The following BAALC variants were observed in gnomAD, a reference collection of about 807,000 sequenced individuals.
BAALC encodes BAALC binder of MAP3K1 and KLF4, also known as brain and acute leukemia cytoplasmic protein.
BAALC carries 9 observed loss-of-function variants against 15.5 expected under a neutral mutation model. That is an observed-to-expected ratio of 0.58 (90% CI 0.35 to 1.02). The LOEUF is 1.02. BAALC is among the 50% of genes least tolerant of loss of function. The probability of loss-of-function intolerance (pLI) is 0.02; values close to 1 mark genes in which losing one functional copy is unlikely to be tolerated. For missense variants in BAALC, 201 were observed against 192.4 expected (o/e 1.04, Z -0.27); for synonymous variants, 80 against 74.6 (o/e 1.07, Z -0.37).
chr8:103,202,473 T>C (rs947251009), intron 1 of BAALC, among the ~76,000 whole-genome samples: 1 of 152,222 alleles, frequency 6.6e-6, no homozygotes, highest in African/African-American at 2.4e-5. Context: ...TACAGGACTA[T>C]GAGAAAATAA....
intron 1 of BAALC, among the ~76,000 whole-genome samples, chr8:103,155,815 G>T (rs1811079266): frequency 6.6e-6 from 1 of 152,184 alleles, no homozygotes. Flanking sequence ...ATGTTCTCTA[G>T]GTCAGTGGAG....
At chr8:103,174,364 C>T (rs1013270530) in intron 1 of BAALC, among the ~76,000 whole-genome samples, 2 of 151,934 alleles carry the variant, frequency 1.3e-5, no homozygotes, top group Non-Finnish European at 2.9e-5. Flanking sequence ...GCACATCGGG[C>T]ACAGCCAGGG....
chr8:103,151,396 T>C (rs558568133), intron 1 of BAALC, among the ~76,000 whole-genome samples: 8 of 152,334 alleles, frequency 5.3e-5, no homozygotes, highest in East Asian at 1.9e-4. Context: ...GGTTTCAGTT[T>C]CCACATTGTA....
At chr8:103,161,929 G>T (rs77333169) in intron 1 of BAALC, among the ~76,000 whole-genome samples, 1 of 150,212 alleles carries the variant, frequency 6.7e-6, no homozygotes, top group Non-Finnish European at 1.5e-5. Flanking sequence ...TATACAATCT[G>T]TTCACATCTC....
chr8:103,194,675 A>T (rs189344135), intron 1 of BAALC, among the ~76,000 whole-genome samples: 3 of 152,338 alleles, frequency 2.0e-5, no homozygotes, highest in African/African-American at 7.2e-5. Context: ...TGTTTCACAC[A>T]GTTCTAGAGG....
intron 1 of BAALC, among the ~76,000 whole-genome samples, chr8:103,156,659 G>A (rs1459278116): frequency 1.3e-5 from 2 of 152,234 alleles, no homozygotes; most frequent in Non-Finnish European, 2.9e-5. Flanking sequence ...TTATCTCACT[G>A]TGTCTCTCTG....
intron 1 of BAALC, among the ~76,000 whole-genome samples, chr8:103,162,678 GC>G (rs1211740178): frequency 1.3e-5 from 2 of 152,096 alleles, no homozygotes; most frequent in African/African-American, 4.8e-5. Flanking sequence ...TCACAAGCCT[GC>G]CCAGATTTAA....
At chr8:103,223,503 ACTGGTAGCAAAGGCTTGCTCCAT>A (rs1812729705) in intron 2 of BAALC, among the ~76,000 whole-genome samples, 1 of 152,208 alleles carries the variant, frequency 6.6e-6, no homozygotes, top group Non-Finnish European at 1.5e-5. Context: ...GCTGCAGCTA[ACTGGTAGCAAAGGCTTGCTCCAT>A]GTCCAGATCT....
chr8:103,183,989 G>T (rs1586409540), intron 1 of BAALC, among the ~76,000 whole-genome samples: 2 of 152,302 alleles, frequency 1.3e-5, no homozygotes, highest in East Asian at 3.9e-4. Context: ...CATCAGAGCT[G>T]CATGCCCTAC....
chr8:103,213,163 G>T, intron 2 of BAALC, 78 bp downstream of exon 2: 1 of 1,486,800 alleles, frequency 6.7e-7, no homozygotes, highest in Non-Finnish European at 9.2e-7. Context: ...CCACCCAGCC[G>T]CTATGTCCAG....
At chr8:103,154,215 T>C (rs1467572507) in intron 1 of BAALC, among the ~76,000 whole-genome samples, 2 of 152,112 alleles carry the variant, frequency 1.3e-5, no homozygotes, top group South Asian at 2.1e-4. Context: ...AACTCTGTTA[T>C]TTCCATTTTA....
intron 1 of BAALC, chr8:103,141,456 T>G: frequency 5.5e-6 from 1 of 180,694 alleles, no homozygotes; most frequent in Non-Finnish European, 1.2e-5. Context: ...GCCACCTGCG[T>G]ACCCAGCCGG....
At chr8:103,194,344 A>G (rs1219776829) in intron 1 of BAALC, among the ~76,000 whole-genome samples, 1 of 152,212 alleles carries the variant, frequency 6.6e-6, no homozygotes, top group Admixed American at 6.5e-5. Flanking sequence ...GTAGAGAGAC[A>G]TTGCAAATAC....
At chr8:103,157,501 T>A (rs1053599918) in intron 1 of BAALC, among the ~76,000 whole-genome samples, 1 of 152,038 alleles carries the variant, frequency 6.6e-6, no homozygotes, top group Admixed American at 6.6e-5. Context: ...CTCTAAGAAA[T>A]TAGGACTCTT....
At chr8:103,150,082 T>C (rs1230739110) in intron 1 of BAALC, among the ~76,000 whole-genome samples, 1 of 152,030 alleles carries the variant, frequency 6.6e-6, no homozygotes, top group Non-Finnish European at 1.5e-5. Context: ...TGATGGAAGG[T>C]GAAAGGCACA....
At chr8:103,158,685 AATACATACATAC>A (rs76527054) in intron 1 of BAALC, among the ~76,000 whole-genome samples, 16 of 150,784 alleles carry the variant, frequency 1.1e-4, no homozygotes, top group African/African-American at 3.4e-4. Flanking sequence ...CAATACATAC[AATACATACATAC>A]ATACATACAT....
intron 1 of BAALC, among the ~76,000 whole-genome samples, chr8:103,152,203 A>G (rs1261056010): frequency 6.6e-6 from 1 of 152,126 alleles, no homozygotes; most frequent in Admixed American, 6.5e-5. Flanking sequence ...CTTGGCCTCC[A>G]GGGGCCTGCA....
chr8:103,197,237 GT>G (rs113720088), intron 1 of BAALC, among the ~76,000 whole-genome samples: 10,570 of 152,230 alleles, frequency 0.069, 407 homozygotes, highest in Middle Eastern at 0.19. Context: ...GAAAGGAAAG[GT>G]TTTAGAGTCT....
At chr8:103,162,217 C>T (rs1811242719) in intron 1 of BAALC, among the ~76,000 whole-genome samples, 1 of 152,020 alleles carries the variant, frequency 6.6e-6, no homozygotes, top group Non-Finnish European at 1.5e-5. Flanking sequence ...CCACCTTGGC[C>T]TCCGGAAGTG....
Sources: gnomAD v4.1 joint callset for allele counts (sites outside exome capture counted in the v4.1 genomes callset) on GRCh38, gnomAD v4.1.1 for gene constraint, MANE v1.5 for transcripts, NCBI Gene and HGNC (gene_info 2026-07-23, HGNC 2026-07-21) for gene names.